CCDC93: variants seen among roughly 807,000 people sequenced by gnomAD.
CCDC93 encodes coiled-coil domain-containing protein 93.
CCDC93 carries 61 observed loss-of-function variants against 108.2 expected under a neutral mutation model. The observed-to-expected ratio is 0.56, with a 90% CI of 0.46 to 0.70. CCDC93 has a LOEUF of 0.70. Among genes scored for constraint, CCDC93 ranks in the 30% least tolerant of loss-of-function variants. The pLI is 0.00. For missense variants in CCDC93, 685 were observed against 764.2 expected (o/e 0.90, Z 1.22); for synonymous variants, 276 against 260.4 (o/e 1.06, Z -0.58).
intron 1 of CCDC93, 38 bp from the exon 2 acceptor site, chr2:118,008,696 T>C: frequency 2.9e-6 from 4 of 1,377,340 alleles, no homozygotes; most frequent in Non-Finnish European, 2.1e-6. Context: ...GTAAAAGATA[T>C]GCTGAATAAA....
chr2:117,964,468 C>T (rs1436845207), intron 11 of CCDC93, among the ~76,000 whole-genome samples: 2 of 152,146 alleles, frequency 1.3e-5, no homozygotes, highest in Non-Finnish European at 2.9e-5. Context: ...ATAATCCTAG[C>T]CCTCCTGGAA....
chr2:117,930,616 G>A (rs1005589868), intron 23 of CCDC93: 6 of 154,490 alleles, frequency 3.9e-5, no homozygotes, highest in Middle Eastern at 3.1e-3. Context: ...TGTAGGATTC[G>A]AATCCAAGCC....
chr2:117,959,907 C>G (rs1165666251), intron 11 of CCDC93, among the ~76,000 whole-genome samples: 2 of 152,132 alleles, frequency 1.3e-5, no homozygotes, highest in Non-Finnish European at 1.5e-5. Flanking sequence ...GAAGGACAAA[C>G]TATTTCTGAA....
chr2:117,943,685 A>C (rs1678776675), intron 18 of CCDC93, among the ~76,000 whole-genome samples: 1 of 152,220 alleles, frequency 6.6e-6, no homozygotes, highest in Non-Finnish European at 1.5e-5. Flanking sequence ...TTTGAAACCT[A>C]TCTCCCCCAT....
intron 12 of CCDC93, among the ~76,000 whole-genome samples, chr2:117,956,993 C>T (rs1231477447): frequency 6.6e-6 from 1 of 151,636 alleles, no homozygotes; most frequent in East Asian, 1.9e-4. Flanking sequence ...TGGTTTCAAG[C>T]AATTCTCCTG....
At chr2:117,936,098 CT>C (rs1678514587) in intron 21 of CCDC93, among the ~76,000 whole-genome samples, 4 of 151,980 alleles carry the variant, frequency 2.6e-5, no homozygotes, top group South Asian at 4.2e-4. Flanking sequence ...AATGTGTCCG[CT>C]GTCATCTGCC....
intron 11 of CCDC93, among the ~76,000 whole-genome samples, chr2:117,965,810 C>T (rs1387974186): frequency 6.6e-6 from 1 of 151,686 alleles, no homozygotes; most frequent in East Asian, 1.9e-4. Context: ...CAGGTGTTTG[C>T]TGAAAGAAGA....
chr2:118,004,749 C>T (rs907975684), intron 3 of CCDC93, among the ~76,000 whole-genome samples: 5 of 152,136 alleles, frequency 3.3e-5, no homozygotes, highest in Non-Finnish European at 7.4e-5. Context: ...AAACCCGTCT[C>T]CAGCTTTGCC....
intron 19 of CCDC93, among the ~76,000 whole-genome samples, chr2:117,940,139 CT>C (rs1196987405): frequency 6.6e-6 from 1 of 152,082 alleles, no homozygotes; most frequent in Non-Finnish European, 1.5e-5. Context: ...TGGCGAGCAG[CT>C]TGAGTCAGAG....
intron 1 of CCDC93, among the ~76,000 whole-genome samples, chr2:118,013,498 C>T (rs1307489786): frequency 6.6e-6 from 1 of 152,134 alleles, no homozygotes; most frequent in Admixed American, 6.5e-5. Context: ...CGGGACTCTG[C>T]GGGGTGGCGG....
At chr2:117,926,694 G>A (rs1678117976) in intron 23 of CCDC93, among the ~76,000 whole-genome samples, 1 of 152,182 alleles carries the variant, frequency 6.6e-6, no homozygotes, top group Non-Finnish European at 1.5e-5. Flanking sequence ...AGAGGTACAA[G>A]GAGGAGCTGG....
intron 3 of CCDC93, among the ~76,000 whole-genome samples, chr2:118,002,331 A>C (rs1418311901): frequency 6.6e-6 from 1 of 152,188 alleles, no homozygotes; most frequent in Non-Finnish European, 1.5e-5. Flanking sequence ...GGTGAGAGTT[A>C]TTACTGTCTT....
At chr2:117,949,685 T>A in intron 13 of CCDC93, 1 of 859,148 alleles carries the variant, frequency 1.2e-6, no homozygotes, top group African/African-American at 1.8e-5. Context: ...ACGATGTGAA[T>A]GTGTTACTTA....
In CCDC93 at chr2:118,007,224, G is replaced by C. The variant is rs184693093; in HGVS notation, c.157-408C>G. Among the ~76,000 whole-genome samples, 11 of 152,356 alleles carry C rather than the reference G, an allele frequency of 7.2e-5. No individual in the cohort carries two copies. The East Asian group carries it at 2.1e-3, about 29-fold the overall frequency. On this transcript the variant is annotated intron_variant, in intron 2 of 23. Coordinates refer to ENST00000376300, the MANE Select transcript of CCDC93 (RefSeq NM_019044.5). ...GACCAGACACATGGGCAGCAAGGCT[G>C]ACATTTTGTTTCCATACATCTTATT... is the stretch of plus-strand genomic sequence containing the variant.
chr2:117,944,746 C>A, intron 17 of CCDC93: 1 of 471,168 alleles, frequency 2.1e-6, no homozygotes, highest in South Asian at 1.5e-5. Context: ...AGGGGCTCAG[C>A]TGCAGGCAAA....
intron 8 of CCDC93, 119 bp downstream of exon 8, chr2:117,977,875 G>T: frequency 1.1e-6 from 1 of 870,080 alleles, no homozygotes; most frequent in Non-Finnish European, 1.9e-6. Flanking sequence ...GCCAAAGGCA[G>T]CTCACACATC....
rs1247081686 is a variant in CCDC93 at position 117,920,101 on chromosome 2, T to C, written c.*242A>G. On this transcript the variant is annotated 3_prime_UTR_variant, in exon 24 of 24. Transcript: ENST00000376300. Reference sequence around the variant, plus strand: ...AAAAGTTGAATCAACAGAGAACAAGTACTCCCTATATTCTTCATAGGATGA... The same window carrying C: ...AAAAGTTGAATCAACAGAGAACAAGCACTCCCTATATTCTTCATAGGATGA... 2 of 392,420 alleles carry C rather than the reference T, an allele frequency of 5.1e-6. No individual in the cohort carries two copies. The highest frequency in any genetic ancestry group is 4.6e-6 in the Non-Finnish European group (1 of 216,634). The allele number at this position is 392,420 out of a possible 1,614,324, so 24.3% of individuals were successfully genotyped here.
intron 11 of CCDC93, among the ~76,000 whole-genome samples, chr2:117,959,792 G>T (rs1245726473): frequency 6.6e-6 from 1 of 152,162 alleles, no homozygotes; most frequent in Non-Finnish European, 1.5e-5. Context: ...CTGGGACTGT[G>T]TAAAATGTCA....
chr2:117,970,544 A>ACTTG (rs1679727207), intron 11 of CCDC93, among the ~76,000 whole-genome samples: 1 of 152,254 alleles, frequency 6.6e-6, no homozygotes, highest in Non-Finnish European at 1.5e-5. Flanking sequence ...CCTGAGAAAT[A>ACTTG]CTTGCATCAC....
Sources: allele counts gnomAD v4.1 joint callset (sites outside exome capture counted in the v4.1 genomes callset), GRCh38; gene constraint gnomAD v4.1.1; transcripts MANE v1.5; gene names NCBI Gene and HGNC (gene_info 2026-07-23, HGNC 2026-07-21).